Variants in MND1 observed in about 807,000 individuals in gnomAD.
MND1 encodes the protein meiotic nuclear division protein 1 homolog.
Under a neutral mutation model 35.1 loss-of-function variants are expected in MND1, and 28 were observed. The observed-to-expected ratio is 0.80, with a 90% confidence interval of 0.59 to 1.09. MND1 has a LOEUF of 1.09. Among genes scored for constraint, MND1 ranks in the 50% least tolerant of loss-of-function variants. The pLI, the probability that MND1 is intolerant of heterozygous loss-of-function variation, is 0.00. For synonymous variants in MND1, 69 were observed against 70.5 expected, an observed-to-expected ratio of 0.98 and a Z score of 0.11; for missense variants, 213 against 239.6, an observed-to-expected ratio of 0.89 and a Z score of 0.73.
At chr4:153,360,924 C>T (rs1051706060) in intron 4 of MND1, among the ~76,000 whole-genome samples, 7 of 152,106 alleles carry the variant, frequency 4.6e-5, no homozygotes, top group Non-Finnish European at 7.4e-5. Flanking sequence ...ACTGCAGCCT[C>T]GACCTCCCAG....
intron 4 of MND1, among the ~76,000 whole-genome samples, chr4:153,370,521 G>T (rs1465638338): frequency 3.3e-5 from 5 of 151,756 alleles, no homozygotes; most frequent in African/African-American, 1.2e-4. Context: ...CAAATGTTCT[G>T]TTTTGTTTTG....
intron 4 of MND1, among the ~76,000 whole-genome samples, chr4:153,369,162 G>GCCTC (rs993820997): frequency 2.0e-4 from 30 of 152,286 alleles, no homozygotes; most frequent in African/African-American, 7.0e-4. Flanking sequence ...TTGGCCCAAG[G>GCCTC]CCTCCCTCAG....
chr4:153,361,491 CCT>C (rs1773489542), intron 4 of MND1: 1 of 455,910 alleles, frequency 2.2e-6, no homozygotes, highest in African/African-American at 2.0e-5. Flanking sequence ...GTTTTTATTT[CCT>C]CTTCTTTAGG....
At position 153,374,142 on chromosome 4, in the gene MND1, G is replaced by A. The variant is rs1461104357; in HGVS notation, c.276+15520G>A. 2.0e-5 allele frequency among the ~76,000 whole-genome samples: 3 copies of A among 152,290 alleles called. No individual in the cohort carries two copies. The East Asian group carries it at 5.8e-4, about 29-fold the overall frequency. On this transcript the variant is annotated intron_variant, in intron 4 of 7. Transcript: ENST00000240488. Reference sequence around the variant, plus strand: ...AAGGCGGTTGTAGTGAGGATTAAGTGGTATGTGTAAGATGCCTGGTACTTT... The same window carrying A: ...AAGGCGGTTGTAGTGAGGATTAAGTAGTATGTGTAAGATGCCTGGTACTTT...
chr4:153,407,693 C>T (rs577095922), intron 6 of MND1, among the ~76,000 whole-genome samples: 17 of 152,136 alleles, frequency 1.1e-4, no homozygotes, highest in South Asian at 2.1e-4. Context: ...AATAGTACTT[C>T]GCATAAAAAA....
chr4:153,362,231 G>A (rs1412206807), intron 4 of MND1, among the ~76,000 whole-genome samples: 1 of 151,980 alleles, frequency 6.6e-6, no homozygotes, highest in Non-Finnish European at 1.5e-5. Context: ...TACTGATATG[G>A]CTTGGATCTG....
At chr4:153,410,672 A>G (rs1184707151) in intron 7 of MND1, among the ~76,000 whole-genome samples, 1 of 152,092 alleles carries the variant, frequency 6.6e-6, no homozygotes, top group Non-Finnish European at 1.5e-5. Context: ...TATCATATAG[A>G]AAGAAAGTTT....
intron 7 of MND1, among the ~76,000 whole-genome samples, chr4:153,412,522 G>A (rs953654665): frequency 6.9e-5 from 10 of 145,318 alleles, no homozygotes; most frequent in Admixed American, 3.5e-4. Flanking sequence ...TTGATGTGTC[G>A]CCCAGGCTGG....
chr4:153,352,785 A>G (rs1298934903), intron 2 of MND1, among the ~76,000 whole-genome samples: 1 of 150,352 alleles, frequency 6.7e-6, no homozygotes, highest in Non-Finnish European at 1.5e-5. Context: ...GATATTATCT[A>G]GGATTATATG....
intron 4 of MND1, among the ~76,000 whole-genome samples, chr4:153,362,262 G>A (rs1412325668): frequency 1.3e-5 from 2 of 152,110 alleles, no homozygotes; most frequent in Non-Finnish European, 2.9e-5. Context: ...CAAACCTCAT[G>A]TCAAATTGTA....
chr4:153,372,107 C>T (rs774486643), intron 4 of MND1, among the ~76,000 whole-genome samples: 1 of 151,772 alleles, frequency 6.6e-6, no homozygotes, highest in Non-Finnish European at 1.5e-5. Context: ...TGTGACACCC[C>T]AAAACAATTA....
At chr4:153,356,983 C>T (rs1168606157) in intron 3 of MND1, among the ~76,000 whole-genome samples, 1 of 151,934 alleles carries the variant, frequency 6.6e-6, no homozygotes, top group Non-Finnish European at 1.5e-5. Context: ...CCACCATGCC[C>T]ACCTAATTTT....
intron 4 of MND1, among the ~76,000 whole-genome samples, chr4:153,360,756 T>C (rs1396587433): frequency 6.9e-6 from 1 of 144,472 alleles, no homozygotes; most frequent in African/African-American, 2.7e-5. Flanking sequence ...TATACACATA[T>C]ATACACACAT....
At chr4:153,396,843 GTTAC>G (rs1221255543) in intron 5 of MND1, among the ~76,000 whole-genome samples, 3 of 152,084 alleles carry the variant, frequency 2.0e-5, no homozygotes, top group African/African-American at 4.8e-5. Flanking sequence ...GTCTTAAAAT[GTTAC>G]TTACACATAT....
At chr4:153,395,828 T>A (rs1472462821) in intron 5 of MND1, among the ~76,000 whole-genome samples, 1 of 152,188 alleles carries the variant, frequency 6.6e-6, no homozygotes, top group African/African-American at 2.4e-5. Context: ...ATTATTATAT[T>A]CACATTGGAT....
At chr4:153,367,871 A>G (rs1024109692) in intron 4 of MND1, among the ~76,000 whole-genome samples, 2 of 152,102 alleles carry the variant, frequency 1.3e-5, no homozygotes, top group African/African-American at 4.8e-5. Context: ...GATTCTAGCC[A>G]TCCTTGTGGG....
intron 4 of MND1, among the ~76,000 whole-genome samples, chr4:153,362,802 G>A (rs564216817): frequency 6.6e-6 from 1 of 152,234 alleles, no homozygotes; most frequent in South Asian, 2.1e-4. Context: ...CAGATGCTCT[G>A]TGAAATAGTG....
rs141946781 is a variant in MND1, at chr4:153,360,584, A to ATG, written c.276+1984_276+1985dup. On this transcript the variant is annotated intron_variant, in intron 4 of 7. Coordinates refer to ENST00000240488, the MANE Select transcript of MND1 (RefSeq NM_032117.4). ...TTAGTATAATTTACTTCTTTTCTGT[A>ATG]TGTGTGTGTGTGTGTGTGTGTGTAT... Among the ~76,000 whole-genome samples, 404 of 145,228 alleles carry ATG rather than the reference A, an allele frequency of 2.8e-3. No homozygotes were observed. The East Asian group carries it at 0.032, about 11-fold the overall frequency.
intron 1 of MND1, among the ~76,000 whole-genome samples, chr4:153,347,322 CCTAA>C (rs1441482842): frequency 4.6e-5 from 7 of 152,150 alleles, no homozygotes; most frequent in African/African-American, 1.4e-4. Flanking sequence ...CTGGAGTTTG[CCTAA>C]CTGAGATTTC....
Sources: allele counts gnomAD v4.1 joint callset (sites outside exome capture counted in the v4.1 genomes callset), GRCh38; gene constraint gnomAD v4.1.1; transcripts MANE v1.5; gene names NCBI Gene and HGNC (gene_info 2026-07-23, HGNC 2026-07-21).